The following STK17A variants were observed in gnomAD, a reference collection of about 807,000 sequenced individuals.
The protein encoded by STK17A is serine/threonine kinase 17a.
A neutral mutation model predicts 43.7 loss-of-function variants in STK17A; 26 were observed. That is an observed-to-expected ratio of 0.60 (90% confidence interval 0.44 to 0.83). The LOEUF is 0.83. Ranked by LOEUF, STK17A falls within the 40% of genes least tolerant of loss-of-function variation. STK17A has a pLI of 0.00. For missense variants in STK17A, 476 were observed against 511.6 expected (o/e 0.93, Z 0.67); for synonymous variants, 191 against 182.5 (o/e 1.05, Z -0.38).
chr7:43,620,312 TTGA>T (rs1444904841), intron 4 of STK17A, among the ~76,000 whole-genome samples: 2 of 152,180 alleles, frequency 1.3e-5, no homozygotes, highest in Non-Finnish European at 2.9e-5. Flanking sequence ...GATTAATAGT[TTGA>T]TGGTCTTTTT....
intron 3 of STK17A, among the ~76,000 whole-genome samples, chr7:43,616,752 C>T (rs1403640485): frequency 2.6e-5 from 4 of 151,916 alleles, no homozygotes; most frequent in African/African-American, 9.7e-5. Context: ...AAAAAATTAG[C>T]CGGGCGTGGT....
At chr7:43,597,749 A>T (rs2082527913) in intron 2 of STK17A, among the ~76,000 whole-genome samples, 1 of 152,092 alleles carries the variant, frequency 6.6e-6, no homozygotes, top group African/African-American at 2.4e-5. Context: ...CCTGGGCAAC[A>T]TAGCGAAACC....
chr7:43,605,687 T>G (rs1172689268), intron 2 of STK17A, among the ~76,000 whole-genome samples: 1 of 151,832 alleles, frequency 6.6e-6, no homozygotes, highest in Non-Finnish European at 1.5e-5. Context: ...TCCCCTACCC[T>G]ATACCCCTGT....
rs1443386457 is a variant in STK17A, at chr7:43,625,445, GA to G, written c.*608del. The G allele has an allele frequency of 1.3e-5, 2 of 152,144 alleles. No homozygotes were observed. Among genetic ancestry groups the G allele is most frequent in the African/African-American group, 2.4e-5 (1 of 41,416 alleles). The allele number at this position is 152,144 out of a possible 1,614,324, so 9.4% of individuals were successfully genotyped here. ...GCCTAAATACTAGTAACATATCAGTGAAAAACCCTAATTTTTTTTCTCTTCA... is the reference window on the plus strand; with the variant it reads ...GCCTAAATACTAGTAACATATCAGTGAAAACCCTAATTTTTTTTCTCTTCA... On this transcript the variant is annotated 3_prime_UTR_variant, in exon 7 of 7. Coordinates refer to ENST00000319357, the MANE Select transcript of STK17A (RefSeq NM_004760.3).
chr7:43,627,366 G>A lies in STK17A; in HGVS notation c.*2524G>A, dbSNP rs2084675961. 6.6e-6 allele frequency among the ~76,000 whole-genome samples: 1 copy of A among 152,064 alleles called. No individual in the cohort carries two copies. The highest frequency in any genetic ancestry group is 2.4e-5 in the African/African-American group (1 of 41,388). On this transcript the variant is annotated 3_prime_UTR_variant, in exon 7 of 7. Coordinates refer to ENST00000319357, the MANE Select transcript of STK17A (RefSeq NM_004760.3). ...AGTTTGGAAGAAAAATGTATTAAAG[G>A]GTTATAAAGATCACTTAGAGAATGT...
At position 43,583,441 on chromosome 7, in the gene STK17A, G is replaced by C. The variant is rs2152969910; in HGVS notation, c.198G>C (p.Glu66Asp). 1.5e-6 allele frequency: 2 copies of C among 1,358,572 alleles called. No individual in the cohort carries two copies. The highest frequency in any genetic ancestry group is 1.9e-5 in the South Asian group (1 of 52,896). 84.2% of individuals were successfully genotyped at this position (1,358,572 alleles called of 1,614,324 possible). A position where few individuals can be genotyped will look rare whatever the true frequency, so the allele number is the denominator to read the frequency against. The change falls in exon 1 of 7, where the codon GAG becomes GAC. Residue 66 changes from glutamate (E) to aspartate (D), a missense_variant. Around this residue, in one of 3 missense-constraint regions of STK17A, gnomAD observed 320 missense variants for 326.3 expected, o/e 0.98. Transcript: ENST00000319357. ...GCTACAGCCTGTGCCCGGGCCGGGA[G>C]CTGGGCAGGTGAGGACGGGCGGGGC... ...QDGYSLCPGRELGRGKFAVVR... is the reference protein window; with the variant it reads ...QDGYSLCPGRDLGRGKFAVVR...
At chr7:43,611,416 A>G (rs2082866881) in intron 3 of STK17A, among the ~76,000 whole-genome samples, 1 of 152,214 alleles carries the variant, frequency 6.6e-6, no homozygotes, top group Non-Finnish European at 1.5e-5. Flanking sequence ...CAGTAGCCAC[A>G]TGGTACACAG....
intron 1 of STK17A, among the ~76,000 whole-genome samples, chr7:43,585,333 A>G (rs923390298): frequency 2.6e-5 from 4 of 151,828 alleles, no homozygotes; most frequent in African/African-American, 9.7e-5. Context: ...TAATCTGGAA[A>G]CTGATTTGCA....
At chr7:43,623,499 T>C (rs2084137482) in intron 4 of STK17A, 73 bp from the exon 5 acceptor site, 2 of 1,340,444 alleles carry the variant, frequency 1.5e-6, no homozygotes, top group Non-Finnish European at 2.1e-6. Flanking sequence ...TAATGCTTAG[T>C]TTTTTATCTC....
intron 3 of STK17A, among the ~76,000 whole-genome samples, chr7:43,613,892 A>T (rs368766842): frequency 6.2e-4 from 95 of 152,320 alleles, no homozygotes; most frequent in African/African-American, 2.2e-3. Context: ...TTTCAAAAAA[A>T]GTAGCCAGAA....
rs1246041326 is a variant in STK17A at position 43,619,637 on chromosome 7, A to G, written c.605A>G (p.Asp202Gly). 2 of 1,614,108 alleles carry G rather than the reference A, an allele frequency of 1.2e-6. No homozygotes were observed. ...TTGACAAGTGAATCTCCATTGGGTG[A>G]CATTAAGATTGTTGATTTTGGCCTT... ...ILLTSESPLG[D>G]IKIVDFGLSR... The change falls in exon 4 of 7, where the codon GAC (aspartate) becomes GGC (glycine). Residue 202 changes from aspartate (D) to glycine (G), a missense_variant. Asp to Gly is a moderately conservative substitution (Grantham distance 94, BLOSUM62 -1). Around this residue, in one of 3 missense-constraint regions of STK17A, gnomAD observed 320 missense variants for 326.3 expected, o/e 0.98. Transcript: ENST00000319357.
chr7:43,599,630 A>G (rs963143729), intron 2 of STK17A, among the ~76,000 whole-genome samples: 6 of 152,200 alleles, frequency 3.9e-5, no homozygotes, highest in Non-Finnish European at 8.8e-5. Flanking sequence ...AGGCTTCTCC[A>G]GAGAGACAGA....
intron 3 of STK17A, among the ~76,000 whole-genome samples, chr7:43,614,727 T>G (rs978195299): frequency 2.0e-5 from 3 of 152,238 alleles, no homozygotes; most frequent in African/African-American, 7.2e-5. Context: ...TTGTTTAACT[T>G]CATTTTTAGA....
intron 2 of STK17A, among the ~76,000 whole-genome samples, chr7:43,598,382 A>G (rs935937599): frequency 6.7e-6 from 1 of 149,632 alleles, no homozygotes; most frequent in Non-Finnish European, 1.5e-5. Context: ...ACGCAGGAGA[A>G]TGGCGTGAAC....
intron 2 of STK17A, among the ~76,000 whole-genome samples, chr7:43,605,557 T>C (rs1159864003): frequency 6.6e-6 from 1 of 152,144 alleles, no homozygotes; most frequent in Non-Finnish European, 1.5e-5. Context: ...CAGATCTCTT[T>C]GTGCAGCTCC....
intron 1 of STK17A, among the ~76,000 whole-genome samples, chr7:43,583,934 G>A (rs1268931993): frequency 1.3e-5 from 2 of 152,158 alleles, no homozygotes; most frequent in Admixed American, 6.5e-5. Flanking sequence ...CTGTTACCTT[G>A]TGTCGGTCTT....
In STK17A at chr7:43,624,799, A is replaced by C. The variant is rs963663218; in HGVS notation, c.1202A>C (p.Glu401Ala). The change falls in exon 7 of 7, where the codon GAG becomes GCG. Residue 401 changes from glutamate to alanine, a missense_variant. By Grantham distance (107) the Glu-to-Ala change is moderately radical. This residue lies in a region of STK17A where 110 missense variants were observed against 103.7 expected (regional missense o/e 1.06). Coordinates refer to ENST00000319357, the MANE Select transcript of STK17A (RefSeq NM_004760.3). ...QKAISKRFKF[E>A]EPLLQEIPGE... ...GCCATTTCCAAACGATTTAAATTTGAGGAACCTTTGCTACAAGAAATTCCA... is the reference window on the plus strand; with the variant it reads ...GCCATTTCCAAACGATTTAAATTTGCGGAACCTTTGCTACAAGAAATTCCA... 9 of 1,608,922 alleles carry C rather than the reference A, an allele frequency of 5.6e-6. No homozygotes were observed. Among genetic ancestry groups the C allele is most frequent in the African/African-American group, 2.7e-5 (2 of 74,692 alleles).
intron 1 of STK17A, among the ~76,000 whole-genome samples, chr7:43,583,751 A>G (rs2082419790): frequency 6.6e-6 from 1 of 151,976 alleles, no homozygotes; most frequent in African/African-American, 2.4e-5. Context: ...CTATTTAACG[A>G]GAGAAGGTGC....
At chr7:43,611,890 A>G (rs2082910989) in intron 3 of STK17A, among the ~76,000 whole-genome samples, 1 of 152,222 alleles carries the variant, frequency 6.6e-6, no homozygotes, top group South Asian at 2.1e-4. Context: ...ATGACAGTTG[A>G]ACCTGTGACT....
Sources: gnomAD v4.1 joint callset for allele counts (sites outside exome capture counted in the v4.1 genomes callset) on GRCh38, gnomAD v4.1.1 for gene constraint, gnomAD v4.1.1 regional missense constraint, MANE v1.5 for transcripts, NCBI Gene and HGNC (gene_info 2026-07-23, HGNC 2026-07-21) for gene names.